The following PTPRD variants were observed in gnomAD, a reference collection of about 807,000 sequenced individuals.
PTPRD encodes the protein protein tyrosine phosphatase receptor type D, also known as receptor-type tyrosine-protein phosphatase delta.
PTPRD carries 34 observed loss-of-function variants against 214.5 expected under a neutral mutation model. That is an observed-to-expected ratio of 0.16 (90% confidence interval 0.12 to 0.21). The LOEUF is 0.21. Ranked by LOEUF, PTPRD falls within the 10% of genes least tolerant of loss-of-function variation. The probability of loss-of-function intolerance (pLI) is 1.00; values close to 1 mark genes in which losing one functional copy is unlikely to be tolerated. For synonymous variants in PTPRD, 1,128 were observed against 845.7 expected, an observed-to-expected ratio of 1.33 and a Z score of -5.79; for missense variants, 2,545 against 2,398.7, an observed-to-expected ratio of 1.06 and a Z score of -1.27.
At chr9:10,210,516 G>A (rs2154341014) in intron 3 of PTPRD, among the ~76,000 whole-genome samples, 1 of 151,922 alleles carries the variant, frequency 6.6e-6, no homozygotes, top group Non-Finnish European at 1.5e-5. Context: ...AGAATGCCAA[G>A]GAGGGGGGGC....
chr9:9,251,118 G>A (rs1028976912), intron 9 of PTPRD, among the ~76,000 whole-genome samples: 4 of 151,874 alleles, frequency 2.6e-5, no homozygotes, highest in Non-Finnish European at 4.4e-5. Context: ...GAGAACCAAG[G>A]ACAGATTTAA....
intron 9 of PTPRD, among the ~76,000 whole-genome samples, chr9:9,217,707 C>G (rs1209303897): frequency 6.6e-6 from 1 of 152,106 alleles, no homozygotes; most frequent in Non-Finnish European, 1.5e-5. Context: ...AAACTTAGCC[C>G]CAGGCAGTCT....
At chr9:8,691,396 G>T (rs77376237) in intron 12 of PTPRD, among the ~76,000 whole-genome samples, 1 of 113,648 alleles carries the variant, frequency 8.8e-6, no homozygotes. Context: ...CTTCTCTAGA[G>T]AAAAAAAAAA....
chr9:10,510,473 T>A (rs2047612517), intron 2 of PTPRD, among the ~76,000 whole-genome samples: 1 of 152,192 alleles, frequency 6.6e-6, no homozygotes, highest in Non-Finnish European at 1.5e-5. Flanking sequence ...TACCTAGTGT[T>A]TTCTTTTTTA....
intron 11 of PTPRD, among the ~76,000 whole-genome samples, chr9:8,947,114 T>C (rs1319435275): frequency 2.0e-5 from 3 of 151,466 alleles, no homozygotes; most frequent in African/African-American, 7.3e-5. Context: ...TTATATTATT[T>C]GTTATTCTCT....
intron 8 of PTPRD, among the ~76,000 whole-genome samples, chr9:9,525,886 C>T (rs1404615999): frequency 2.0e-5 from 3 of 151,446 alleles, no homozygotes; most frequent in Non-Finnish European, 4.4e-5. Flanking sequence ...AGGTATTCAT[C>T]CATGTAAGCA....
intron 11 of PTPRD, among the ~76,000 whole-genome samples, chr9:8,781,000 C>G (rs2095670609): frequency 6.6e-6 from 1 of 152,172 alleles, no homozygotes; most frequent in Non-Finnish European, 1.5e-5. Flanking sequence ...AGCTATTACA[C>G]TCTGAAGAAA....
At chr9:8,370,788 G>A (rs191484256) in intron 39 of PTPRD, among the ~76,000 whole-genome samples, 2 of 152,140 alleles carry the variant, frequency 1.3e-5, no homozygotes, top group African/African-American at 4.8e-5. Context: ...CTAAAGTCTG[G>A]AGAATCTGCC....
At chr9:9,295,805 C>A (rs1952800695) in intron 9 of PTPRD, among the ~76,000 whole-genome samples, 1 of 151,780 alleles carries the variant, frequency 6.6e-6, no homozygotes, top group South Asian at 2.1e-4. Context: ...TCTGGTGCAT[C>A]CTAGAACTCT....
chr9:8,324,037 T>C (rs1831059347), intron 44 of PTPRD, among the ~76,000 whole-genome samples: 1 of 151,650 alleles, frequency 6.6e-6, no homozygotes, highest in Non-Finnish European at 1.5e-5. Flanking sequence ...GCCATCAAAA[T>C]AGAGGCAAGA....
chr9:9,355,675 C>T (rs2053488680), intron 9 of PTPRD, among the ~76,000 whole-genome samples: 1 of 151,176 alleles, frequency 6.6e-6, no homozygotes, highest in Non-Finnish European at 1.5e-5. Context: ...AAAGACAGGG[C>T]CTGGAGATGT....
At chr9:9,413,100 CTTTTTTT>C (rs5896325) in intron 8 of PTPRD, among the ~76,000 whole-genome samples, 13 of 63,024 alleles carry the variant, frequency 2.1e-4, no homozygotes, top group South Asian at 8.5e-4. Flanking sequence ...CTTGCAGCTT[CTTTTTTT>C]TTTTTTTTTT....
intron 10 of PTPRD, among the ~76,000 whole-genome samples, chr9:9,031,867 G>T (rs916217630): frequency 1.3e-5 from 2 of 151,954 alleles, no homozygotes; most frequent in African/African-American, 4.8e-5. Flanking sequence ...AGGGCAGAAG[G>T]ATGGTAGAAT....
intron 9 of PTPRD, among the ~76,000 whole-genome samples, chr9:9,285,070 A>T (rs1334058790): frequency 6.6e-6 from 1 of 151,762 alleles, no homozygotes. Context: ...TTCATTTCCC[A>T]CCACCTAGTA....
At chr9:8,839,841 G>T (rs1601539322) in intron 11 of PTPRD, among the ~76,000 whole-genome samples, 2 of 152,186 alleles carry the variant, frequency 1.3e-5, no homozygotes, top group Non-Finnish European at 1.5e-5. Flanking sequence ...GAAATATTCG[G>T]CAGCCATTAA....
intron 5 of PTPRD, among the ~76,000 whole-genome samples, chr9:9,912,599 G>A (rs781559091): frequency 6.6e-6 from 1 of 152,152 alleles, no homozygotes; most frequent in East Asian, 1.9e-4. Flanking sequence ...AAATGGTATC[G>A]TTGGCAATCA....
chr9:8,974,003 G>C (rs1051700796), intron 11 of PTPRD, among the ~76,000 whole-genome samples: 2 of 152,036 alleles, frequency 1.3e-5, no homozygotes, highest in Non-Finnish European at 2.9e-5. Context: ...CCATACTGTA[G>C]GTGGTCTGCT....
intron 3 of PTPRD, among the ~76,000 whole-genome samples, chr9:10,077,616 T>C (rs886918009): frequency 2.6e-5 from 4 of 152,096 alleles, no homozygotes; most frequent in Non-Finnish European, 4.4e-5. Flanking sequence ...TAGTATCCAA[T>C]AGGTAATTTT....
chr9:9,184,658 T>G (rs1243334513), intron 9 of PTPRD, among the ~76,000 whole-genome samples: 1 of 152,096 alleles, frequency 6.6e-6, no homozygotes, highest in African/African-American at 2.4e-5. Context: ...GCACTTAGCC[T>G]GTTTGGTTTA....
Sources: allele counts gnomAD v4.1 joint callset (sites outside exome capture counted in the v4.1 genomes callset), GRCh38; gene constraint gnomAD v4.1.1; transcripts MANE v1.5; gene names NCBI Gene and HGNC (gene_info 2026-07-23, HGNC 2026-07-21).